Variants in VGLL3 observed in about 807,000 individuals in gnomAD.
VGLL3 encodes the protein transcription cofactor vestigial-like protein 3.
In VGLL3, 18 loss-of-function variants were observed where a neutral mutation model predicts 29.2. The ratio of observed to expected loss-of-function variants is 0.62; its 90% CI spans 0.43 to 0.91. The LOEUF (loss-of-function observed/expected upper bound fraction) is 0.91, where lower values mean the gene tolerates loss of function less well. VGLL3 is among the 40% of genes least tolerant of loss of function. The probability of loss-of-function intolerance (pLI) is 0.00; values close to 1 mark genes in which losing one functional copy is unlikely to be tolerated. For synonymous variants in VGLL3, 180 were observed against 151.8 expected (o/e 1.19, Z -1.36); for missense variants, 440 against 413.2 (o/e 1.06, Z -0.56).
chr3:86,959,548 A>G (rs1396592249), intron 3 of VGLL3, among the ~76,000 whole-genome samples: 1 of 152,140 alleles, frequency 6.6e-6, no homozygotes, highest in Non-Finnish European at 1.5e-5. Flanking sequence ...TTTAACATAA[A>G]TCAAACTATT....
At chr3:86,988,161 G>C (rs1345007345) in intron 1 of VGLL3, among the ~76,000 whole-genome samples, 1 of 152,116 alleles carries the variant, frequency 6.6e-6, no homozygotes, top group Non-Finnish European at 1.5e-5. Flanking sequence ...AAACTTTAAT[G>C]CTGTCTTTTC....
intron 3 of VGLL3, 90 bp downstream of exon 3, chr3:86,968,500 A>G (rs1303553931): frequency 7.1e-7 from 1 of 1,412,498 alleles, no homozygotes; most frequent in Non-Finnish European, 9.5e-7. Context: ...TTAACTTTAC[A>G]GATAAGAAAA....
chr3:86,988,474 A>T (rs1053432032), intron 1 of VGLL3, among the ~76,000 whole-genome samples: 3 of 151,684 alleles, frequency 2.0e-5, no homozygotes, highest in African/African-American at 7.3e-5. Context: ...CATAGTCTAA[A>T]AATGCTGTCA....
rs534893028 is a variant in VGLL3 at position 86,947,142 on chromosome 3, T to A, written c.938-75A>T. ...TACCAAAAATAAGCATAATCTGCAA[T>A]ACATTGGATATAGAAACCAAAATGA... On this transcript the variant is annotated intron_variant, in intron 3 of 3. Coordinates refer to ENST00000398399, the MANE Select transcript of VGLL3 (RefSeq NM_016206.4). 8 of 770,982 alleles carry A rather than the reference T, an allele frequency of 1.0e-5. No homozygotes were observed. The African/African-American group carries it at 1.2e-4, about 11-fold the overall frequency. The allele number at this position is 770,982 out of a possible 1,614,324, so 47.8% of individuals were successfully genotyped here.
At chr3:86,949,837 A>AG (rs1704581883) in intron 3 of VGLL3, among the ~76,000 whole-genome samples, 1 of 151,770 alleles carries the variant, frequency 6.6e-6, no homozygotes, top group African/African-American at 2.4e-5. Flanking sequence ...AAAAAAAAAA[A>AG]AAAAAGAAAA....
intron 1 of VGLL3, among the ~76,000 whole-genome samples, chr3:86,984,279 C>T (rs1466482503): frequency 6.6e-6 from 1 of 152,152 alleles, no homozygotes; most frequent in African/African-American, 2.4e-5. Context: ...GAGACAAAAT[C>T]ACACCTCAGG....
chr3:86,982,726 G>A (rs1179085717), intron 1 of VGLL3, among the ~76,000 whole-genome samples: 4 of 151,768 alleles, frequency 2.6e-5, no homozygotes, highest in Admixed American at 6.6e-5. Context: ...GTTTTTCTTC[G>A]AAGACCCTGC....
intron 2 of VGLL3, among the ~76,000 whole-genome samples, chr3:86,971,419 T>C (rs1001235013): frequency 1.3e-5 from 2 of 152,168 alleles, no homozygotes; most frequent in African/African-American, 4.8e-5. Flanking sequence ...TCACAGTCAA[T>C]TCCCTCTCTC....
rs1332837187 is a variant in VGLL3 at position 86,940,147 on chromosome 3, A to G, written c.*6877T>C. The G allele has an allele frequency of 6.6e-6, 1 of 152,196 alleles. No individual in the cohort carries two copies. Among genetic ancestry groups the G allele is most frequent in the Non-Finnish European group, 1.5e-5 (1 of 68,046 alleles). 9.4% of individuals were successfully genotyped at this position (152,196 alleles called of 1,614,324 possible). On this transcript the variant is annotated 3_prime_UTR_variant, in exon 4 of 4. Transcript: ENST00000398399. The stretch of plus-strand genomic sequence containing the variant: ...GATTTTCAGACTTTAGTACTTTCAC[A>G]TTAAAGATACGTGTAATAAGAAAAT...
Position 86,943,771 on chromosome 3 carries a change from G to C in VGLL3, c.*3253C>G, listed in dbSNP as rs191137257. On this transcript the variant is annotated 3_prime_UTR_variant, in exon 4 of 4. Coordinates refer to ENST00000398399, the MANE Select transcript of VGLL3 (RefSeq NM_016206.4). ...AATGAGAGACAAAATAATCTGTTAG[G>C]TTCCTGATTTGTCAACATTATGTTG... 1 of 152,082 alleles carries C rather than the reference G, an allele frequency of 6.6e-6. No homozygotes were observed. Among genetic ancestry groups the C allele is most frequent in the Non-Finnish European group, 1.5e-5 (1 of 68,016 alleles). The allele number at this position is 152,082 out of a possible 1,614,324, so 9.4% of individuals were successfully genotyped here. A position where few individuals can be genotyped will look rare whatever the true frequency, so the allele number is the denominator to read the frequency against.
rs1335172011 is a variant in VGLL3 at position 86,968,627 on chromosome 3, T to C, written c.900A>G (p.Gly300=). The C allele has an allele frequency of 1.2e-6, 2 of 1,614,034 alleles. No homozygotes were observed. The highest frequency in any genetic ancestry group is 1.7e-6 in the Non-Finnish European group (2 of 1,180,052). The stretch of plus-strand genomic sequence containing the variant: ...CCACGCTGGGCACTATGTCTACTGT[T>C]CCATGAAAGGCTCCAGCCCATGCTG... ...ATSAWAGAFH[G]TVDIVPSVGF... The change falls in exon 3 of 4, where the codon GGA becomes GGG. Residue 300 remains glycine (G), a synonymous_variant. Coordinates refer to ENST00000398399, the MANE Select transcript of VGLL3 (RefSeq NM_016206.4).
At chr3:86,985,912 A>C (rs1404868134) in intron 1 of VGLL3, among the ~76,000 whole-genome samples, 1 of 152,178 alleles carries the variant, frequency 6.6e-6, no homozygotes, top group Non-Finnish European at 1.5e-5. Flanking sequence ...TCTTAGAATG[A>C]CAGTCACCTA....
In VGLL3 at chr3:86,990,672, T is replaced by C. The variant is rs201001129; in HGVS notation, c.72A>G (p.Ala24=). 125 of 1,400,488 alleles carry C rather than the reference T, an allele frequency of 8.9e-5. No homozygotes were observed. In the African/African-American group the frequency reaches 1.7e-3, roughly 19 times the overall value. 86.8% of individuals were successfully genotyped at this position (1,400,488 alleles called of 1,614,324 possible). ...GASQYLPNPM[A]ATTCPTAYYQ... ...AGTAGGCTGTGGGGCAGGTTGTCGC[T>C]GCCATGGGGTTGGGCAGATACTGGG... is the stretch of plus-strand genomic sequence containing the variant. Residue 24 remains alanine (A), a synonymous_variant, in exon 1 of 4, where the codon GCA becomes GCG. Transcript: ENST00000398399.
At chr3:86,972,299 T>C (rs914359288) in intron 2 of VGLL3, among the ~76,000 whole-genome samples, 2 of 152,076 alleles carry the variant, frequency 1.3e-5, no homozygotes, top group African/African-American at 4.8e-5. Flanking sequence ...CAGGGAAAAA[T>C]AAAATTAAAA....
At position 86,990,722 on chromosome 3, in the gene VGLL3, A is replaced by G; in HGVS notation, c.22T>C (p.Tyr8His). 2 of 1,418,216 alleles carry G rather than the reference A, an allele frequency of 1.4e-6. No individual in the cohort carries two copies. Among genetic ancestry groups the G allele is most frequent in the Non-Finnish European group, 1.8e-6 (2 of 1,085,088 alleles). The allele number at this position is 1,418,216 out of a possible 1,614,324, so 87.9% of individuals were successfully genotyped here. The change falls in exon 1 of 4, where the codon TAT (tyrosine) becomes CAT (histidine). Residue 8 changes from tyrosine to histidine, a missense_variant. Tyr to His is a moderately conservative substitution (Grantham distance 83, BLOSUM62 2). Coordinates refer to ENST00000398399, the MANE Select transcript of VGLL3 (RefSeq NM_016206.4). Reference protein sequence around the residue: MSCAEVMYHPQPYGASQY... With the variant: MSCAEVMHHPQPYGASQY... The stretch of plus-strand genomic sequence containing the variant: ...GACGCTCCATAAGGCTGGGGGTGAT[A>G]CATCACCTCCGCACAACTCATGGCA...
intron 3 of VGLL3, among the ~76,000 whole-genome samples, chr3:86,964,817 T>C (rs951977798): frequency 1.3e-5 from 2 of 152,196 alleles, no homozygotes; most frequent in African/African-American, 4.8e-5. Flanking sequence ...TGGTATTTTA[T>C]TATAACAGCT....
chr3:86,961,499 T>G (rs1704842557), intron 3 of VGLL3, among the ~76,000 whole-genome samples: 1 of 152,170 alleles, frequency 6.6e-6, no homozygotes, highest in South Asian at 2.1e-4. Context: ...ATTTACTTAA[T>G]GTTATCACTA....
At position 86,948,371 on chromosome 3, in the gene VGLL3, T is replaced by C. The variant is rs568231564; in HGVS notation, c.938-1304A>G. Among the ~76,000 whole-genome samples, 22 of 152,266 alleles carry C rather than the reference T, an allele frequency of 1.4e-4. No individual in the cohort carries two copies. The South Asian group carries it at 3.7e-3, about 26-fold the overall frequency. On this transcript the variant is annotated intron_variant, in intron 3 of 3. Coordinates refer to ENST00000398399, the MANE Select transcript of VGLL3 (RefSeq NM_016206.4). ...AATTTGGTTCAAAGTTTTTCTATTA[T>C]TAAACAACATTTCTTATCCCTCAAC...
At chr3:86,966,503 C>A (rs1470966454) in intron 3 of VGLL3, among the ~76,000 whole-genome samples, 1 of 151,844 alleles carries the variant, frequency 6.6e-6, no homozygotes. Flanking sequence ...GGGCAGCATG[C>A]CACACATGCA....
Sources: allele counts gnomAD v4.1 joint callset (sites outside exome capture counted in the v4.1 genomes callset), GRCh38; gene constraint gnomAD v4.1.1; transcripts MANE v1.5; gene names NCBI Gene and HGNC (gene_info 2026-07-23, HGNC 2026-07-21).